L3MBTL3: variants seen among roughly 807,000 people sequenced by gnomAD.
L3MBTL3 encodes the protein lethal(3)malignant brain tumor-like protein 3.
A neutral mutation model predicts 102.3 loss-of-function variants in L3MBTL3; 27 were observed. That is an observed-to-expected ratio of 0.26 (90% confidence interval 0.19 to 0.36). The LOEUF (loss-of-function observed/expected upper bound fraction) is 0.36. Among genes scored for constraint, L3MBTL3 ranks in the 10% least tolerant of loss-of-function variants. The probability of loss-of-function intolerance (pLI) is 1.00; values close to 1 mark genes in which losing one functional copy is unlikely to be tolerated. For missense variants in L3MBTL3, 798 were observed against 955.3 expected (o/e 0.84, Z 2.17); for synonymous variants, 340 against 320.9 (o/e 1.06, Z -0.64).
intron 9 of L3MBTL3, among the ~76,000 whole-genome samples, chr6:130,059,078 A>T (rs1781719913): frequency 6.7e-6 from 1 of 150,214 alleles, no homozygotes; most frequent in Non-Finnish European, 1.5e-5. Flanking sequence ...TTTTCACATT[A>T]AAAAAAAAGT....
chr6:130,134,643 C>T lies in L3MBTL3; in HGVS notation c.2199+738C>T, dbSNP rs550411071. Among the ~76,000 whole-genome samples, 4 of 152,152 alleles carry T rather than the reference C, an allele frequency of 2.6e-5. No individual in the cohort carries two copies. The South Asian group carries it at 8.3e-4, about 32-fold the overall frequency. On this transcript the variant is annotated intron_variant, in intron 22 of 22. Transcript: ENST00000361794. ...TCCTCCAAGCAAAGCAGTCAATTAC[C>T]CCTCTGATTTTGGCTGTGTCTACTC... is the stretch of plus-strand genomic sequence containing the variant.
In L3MBTL3 at chr6:130,021,362, T is replaced by C. The variant is rs187602706; in HGVS notation, c.-94-865T>C. 1.5e-3 allele frequency among the ~76,000 whole-genome samples: 225 copies of C among 152,328 alleles called. 1 individual carries two copies. Among genetic ancestry groups the C allele is most frequent in the Admixed American group, 4.9e-3 (75 of 15,312 alleles). On this transcript the variant is annotated intron_variant, in intron 1 of 22. Coordinates refer to ENST00000361794, the MANE Select transcript of L3MBTL3 (RefSeq NM_032438.4). ...CAGATGTTGTGTGAAAGGATGCTGA[T>C]CAGAAATTGAAAGTTTAGTAAATCG...
At chr6:130,053,060 C>T in intron 7 of L3MBTL3, 69 bp downstream of exon 7, 1 of 1,247,220 alleles carries the variant, frequency 8.0e-7, no homozygotes. Flanking sequence ...CAGTCACAAG[C>T]ACTGCTCTGG....
intron 16 of L3MBTL3, among the ~76,000 whole-genome samples, chr6:130,089,491 G>A (rs1485628280): frequency 1.3e-5 from 2 of 152,026 alleles, no homozygotes; most frequent in Non-Finnish European, 2.9e-5. Flanking sequence ...GTTGGTTCCA[G>A]GTCTTTGCTA....
chr6:130,092,841 C>A lies in L3MBTL3; in HGVS notation c.1615C>A (p.Pro539Thr). ...AGGCTGGTGTTCAAAAACAGGACAT[C>A]CCCTTCAGCCTCCTTTGAGTAAGAG... ...PVGWCSKTGHPLQPPLSPLEL... is the reference protein window; with the variant it reads ...PVGWCSKTGHTLQPPLSPLEL... Residue 539 changes from proline (P) to threonine (T), a missense_variant, in exon 17 of 23, where the codon CCC becomes ACC. Physicochemically the swap from Pro to Thr is conservative, Grantham distance 38. This residue lies in a region of L3MBTL3 where 306 missense variants were observed against 314.4 expected (regional missense o/e 0.97). Transcript: ENST00000361794. The A allele has an allele frequency of 6.2e-7, 1 of 1,600,874 alleles. No homozygotes were observed. Among genetic ancestry groups the A allele is most frequent in the Non-Finnish European group, 8.6e-7 (1 of 1,168,048 alleles).
chr6:130,086,336 G>GTA, intron 16 of L3MBTL3, 86 bp downstream of exon 16: 1 of 832,496 alleles, frequency 1.2e-6, no homozygotes, highest in Non-Finnish European at 2.0e-6. Context: ...AACTTGTGAA[G>GTA]TCCTGTAATT....
intron 13 of L3MBTL3, among the ~76,000 whole-genome samples, chr6:130,074,064 T>G (rs528084367): frequency 3.9e-5 from 6 of 152,236 alleles, no homozygotes; most frequent in Non-Finnish European, 8.8e-5. Context: ...ATGGTTTTTA[T>G]CTGCATAAAT....
chr6:130,040,783 G>T (rs1326148421), intron 2 of L3MBTL3, among the ~76,000 whole-genome samples: 2 of 152,110 alleles, frequency 1.3e-5, no homozygotes, highest in African/African-American at 4.8e-5. Flanking sequence ...TGCATCCATG[G>T]TACTTTGGCA....
Position 130,104,455 on chromosome 6 carries a change from A to G in L3MBTL3, c.1766A>G (p.Asn589Ser), listed in dbSNP as rs554263834. ...SAANCPYSEINLNKDRIFPDR... is the reference protein window; with the variant it reads ...SAANCPYSEISLNKDRIFPDR... ...GCCAACTGTCCCTATTCAGAAATCAATTTGAATAAAGACCGTATTTTTCCA... is the reference window on the plus strand; with the variant it reads ...GCCAACTGTCCCTATTCAGAAATCAGTTTGAATAAAGACCGTATTTTTCCA... The change falls in exon 19 of 23, where the codon AAT (asparagine) becomes AGT (serine). Residue 589 changes from asparagine (N) to serine (S), a missense_variant. By Grantham distance (46) the Asn-to-Ser change is conservative. Coordinates refer to ENST00000361794, the MANE Select transcript of L3MBTL3 (RefSeq NM_032438.4). 5.1e-6 allele frequency: 8 copies of G among 1,578,296 alleles called. No homozygotes were observed. In the African/African-American group the frequency reaches 5.4e-5, roughly 11 times the overall value.
In L3MBTL3 at chr6:130,071,049, G is replaced by C. The variant is rs779921736; in HGVS notation, c.1166G>C (p.Cys389Ser). 3 of 1,613,266 alleles carry C rather than the reference G, an allele frequency of 1.9e-6. No homozygotes were observed. The highest frequency in any genetic ancestry group is 1.3e-5 in the African/African-American group (1 of 74,836). ...GACAAAAAGAATCCCTCATTCATCT[G>C]TGTTGCTACGGTAACAGATATGGTG... The part of the protein sequence containing the change: ...AVDKKNPSFI[C>S]VATVTDMVDN... Residue 389 changes from cysteine (C) to serine (S), a missense_variant, in exon 13 of 23, where the codon TGT (cysteine) becomes TCT (serine). Transcript: ENST00000361794.
intron 2 of L3MBTL3, among the ~76,000 whole-genome samples, chr6:130,033,267 G>A (rs76824637): frequency 8.5e-5 from 13 of 152,262 alleles, no homozygotes; most frequent in Admixed American, 5.2e-4. Context: ...TTAGCAGTGG[G>A]GAGACTCCTT....
intron 20 of L3MBTL3, among the ~76,000 whole-genome samples, chr6:130,131,666 G>A (rs1787057777): frequency 6.6e-6 from 1 of 152,178 alleles, no homozygotes. Context: ...ACTCCAAATG[G>A]TTGCCCATTT....
rs1781590354 is a variant in L3MBTL3 at position 130,057,577 on chromosome 6, TGA to T, written c.759+81_759+82del. Reference sequence around the variant, plus strand: ...CCTGAATTACGATTGTTGTTTCCACTGAAATTTGACTTGGGATCATTTTCTCA... The same window carrying T: ...CCTGAATTACGATTGTTGTTTCCACTAATTTGACTTGGGATCATTTTCTCA... On this transcript the variant is annotated intron_variant, in intron 9 of 22. Coordinates refer to ENST00000361794, the MANE Select transcript of L3MBTL3 (RefSeq NM_032438.4). 18 of 1,167,350 alleles carry T rather than the reference TGA, an allele frequency of 1.5e-5. No homozygotes were observed. In the Admixed American group the frequency reaches 4.5e-4, roughly 29 times the overall value. The allele number at this position is 1,167,350 out of a possible 1,614,324, so 72.3% of individuals were successfully genotyped here. A position where few individuals can be genotyped will look rare whatever the true frequency, so the allele number is the denominator to read the frequency against.
chr6:130,021,201 A>G (rs956130339), intron 1 of L3MBTL3, among the ~76,000 whole-genome samples: 1 of 152,204 alleles, frequency 6.6e-6, no homozygotes, highest in Non-Finnish European at 1.5e-5. Flanking sequence ...CGAACGTGCA[A>G]AACTGGCCAA....
chr6:130,063,843 A>G (rs1562278679), intron 10 of L3MBTL3, among the ~76,000 whole-genome samples: 1 of 152,232 alleles, frequency 6.6e-6, no homozygotes, highest in African/African-American at 2.4e-5. Context: ...ATGTGGCACT[A>G]AATGGACCAC....
intron 1 of L3MBTL3, among the ~76,000 whole-genome samples, chr6:130,019,839 G>GGCTGCTTTTCCTGCAACTTGTTTA (rs1778828763): frequency 1.4e-5 from 2 of 146,634 alleles, no homozygotes; most frequent in Non-Finnish European, 3.0e-5. Context: ...GGCGGCGCGG[G>GGCTGCTTTTCCTGCAACTTGTTTA]CCCGCGGCGG....
intron 5 of L3MBTL3, among the ~76,000 whole-genome samples, chr6:130,050,494 A>G (rs953884535): frequency 2.0e-5 from 3 of 152,166 alleles, no homozygotes; most frequent in Non-Finnish European, 4.4e-5. Context: ...GAGGCTTTCT[A>G]TCAGAAAATC....
intron 13 of L3MBTL3, among the ~76,000 whole-genome samples, chr6:130,077,180 A>C (rs1783007223): frequency 5.9e-5 from 9 of 152,068 alleles, no homozygotes; most frequent in Admixed American, 5.9e-4. Context: ...CCTTCCCTAA[A>C]ATAAAGGCAG....
Position 130,139,821 on chromosome 6 carries a change from C to A in L3MBTL3, c.*68C>A. 6.9e-7 allele frequency: 1 copy of A among 1,458,488 alleles called. No homozygotes were observed. The highest frequency in any genetic ancestry group is 9.5e-7 in the Non-Finnish European group (1 of 1,054,376). The allele number at this position is 1,458,488 out of a possible 1,614,324, so 90.3% of individuals were successfully genotyped here. A position where few individuals can be genotyped will look rare whatever the true frequency, so the allele number is the denominator to read the frequency against. On this transcript the variant is annotated 3_prime_UTR_variant, in exon 23 of 23. Coordinates refer to ENST00000361794, the MANE Select transcript of L3MBTL3 (RefSeq NM_032438.4). Reference sequence around the variant, plus strand: ...TCATGTTTTATTCAAAGCACAAGGACGGTTATAACTCCTAAGTGAGAAGTC... The same window carrying A: ...TCATGTTTTATTCAAAGCACAAGGAAGGTTATAACTCCTAAGTGAGAAGTC...
Sources: allele counts gnomAD v4.1 joint callset (sites outside exome capture counted in the v4.1 genomes callset), GRCh38; gene constraint gnomAD v4.1.1; regional missense constraint gnomAD v4.1.1; transcripts MANE v1.5; gene names NCBI Gene and HGNC (gene_info 2026-07-23, HGNC 2026-07-21).